The following PAMR1 variants were observed in gnomAD, a reference collection of about 807,000 sequenced individuals.
PAMR1 encodes inactive serine protease PAMR1.
A neutral mutation model predicts 81.8 loss-of-function variants in PAMR1; 88 were observed. The observed-to-expected ratio is 1.08, with a 90% CI of 0.91 to 1.28. PAMR1 has a LOEUF of 1.28. Among genes scored for constraint, PAMR1 ranks in the 50% most tolerant of loss-of-function variants. PAMR1 has a pLI of 0.00. For synonymous variants in PAMR1, 336 were observed against 345.3 expected (o/e 0.97, Z 0.30); for missense variants, 935 against 919.7 (o/e 1.02, Z -0.21).
chr11:35,510,563 T>A (rs1046041659), intron 1 of PAMR1, among the ~76,000 whole-genome samples: 5 of 147,932 alleles, frequency 3.4e-5, no homozygotes, highest in Admixed American at 1.4e-4. Context: ...ATAAGGAAAT[T>A]AAAGGTATTC....
chr11:35,519,375 A>G (rs763474928), intron 1 of PAMR1, among the ~76,000 whole-genome samples: 7 of 152,208 alleles, frequency 4.6e-5, no homozygotes, highest in Non-Finnish European at 1.0e-4. Context: ...CCCATGGCTT[A>G]AGAGTTTACA....
In PAMR1 at chr11:35,432,719, G is replaced by A. The variant is rs1461838174; in HGVS notation, c.1800C>T (p.Gly600=). 6.2e-7 allele frequency: 1 copy of A among 1,613,908 alleles called. No homozygotes were observed. The highest frequency in any genetic ancestry group is 8.5e-7 in the Non-Finnish European group (1 of 1,179,932). The change falls in exon 11 of 11, where the codon GGC becomes GGT. Residue 600 remains glycine (G), a synonymous_variant. Transcript: ENST00000619888. The part of the protein sequence containing the change: ...SFQESHITVA[G]WNVLADVRSP... ...TCCTCACGTCTGCCAGGACATTCCA[G>A]CCAGCCACAGTGATGTGGGACTCCT... is the stretch of plus-strand genomic sequence containing the variant.
chr11:35,525,102 CTTCT>C (rs957154275), intron 1 of PAMR1, among the ~76,000 whole-genome samples: 5 of 152,170 alleles, frequency 3.3e-5, no homozygotes. Context: ...CTTTCCCTCT[CTTCT>C]TTCTTTCTTG....
At chr11:35,485,885 T>C (rs1348961475) in intron 3 of PAMR1, among the ~76,000 whole-genome samples, 1 of 152,172 alleles carries the variant, frequency 6.6e-6, no homozygotes, top group Non-Finnish European at 1.5e-5. Context: ...TTGGGCGCCA[T>C]CTAGTGGGAA....
At chr11:35,442,398 C>G (rs1856189626) in intron 6 of PAMR1, among the ~76,000 whole-genome samples, 1 of 152,058 alleles carries the variant, frequency 6.6e-6, no homozygotes, top group South Asian at 2.1e-4. Context: ...ATTCTGAGCA[C>G]TAAACAGGAT....
chr11:35,434,522 T>C lies in PAMR1; in HGVS notation c.1616A>G (p.Gln539Arg). 6.2e-7 allele frequency: 1 copy of C among 1,613,882 alleles called. No individual in the cohort carries two copies. The highest frequency in any genetic ancestry group is 8.5e-7 in the Non-Finnish European group (1 of 1,179,856). ...CAAGCCCTCTCTTACCTGTAGGCTC[T>C]GGATGGTCTTCTCATCCCGGTCATC... ...RDDDRDEKTI[Q>R]SLQISAIILH... The change falls in exon 10 of 11, where the codon CAG becomes CGG. Residue 539 changes from glutamine (Q) to arginine (R), a missense_variant. Gln to Arg is a conservative substitution (Grantham distance 43). Coordinates refer to ENST00000619888, the MANE Select transcript of PAMR1 (RefSeq NM_001001991.3).
chr11:35,487,457 A>G (rs1269329969), intron 3 of PAMR1, among the ~76,000 whole-genome samples: 3 of 152,252 alleles, frequency 2.0e-5, no homozygotes, highest in Middle Eastern at 3.4e-3. Flanking sequence ...TCTTGGATCA[A>G]CAAAACAACT....
chr11:35,440,477 C>T (rs1194543935), intron 7 of PAMR1, among the ~76,000 whole-genome samples: 1 of 152,152 alleles, frequency 6.6e-6, no homozygotes, highest in Admixed American at 6.5e-5. Flanking sequence ...CCTTTCATTC[C>T]TTTTCCCATG....
intron 1 of PAMR1, among the ~76,000 whole-genome samples, chr11:35,500,745 AAGTGGCAT>A (rs1219352068): frequency 6.6e-6 from 1 of 152,216 alleles, no homozygotes; most frequent in Non-Finnish European, 1.5e-5. Flanking sequence ...ACACAAATCT[AAGTGGCAT>A]AGCCTACTAC....
At chr11:35,445,390 G>C (rs1294434519) in intron 6 of PAMR1, among the ~76,000 whole-genome samples, 2 of 152,010 alleles carry the variant, frequency 1.3e-5, no homozygotes, top group African/African-American at 4.8e-5. Context: ...GAATAGGAGT[G>C]ATGAGAGAGG....
chr11:35,464,007 G>C (rs1856712123), intron 6 of PAMR1, among the ~76,000 whole-genome samples: 2 of 152,210 alleles, frequency 1.3e-5, no homozygotes, highest in Admixed American at 1.3e-4. Context: ...TTGAGGACAG[G>C]TGTTGATAAT....
At chr11:35,526,644 G>A (rs532866792), upstream of PAMR1, among the ~76,000 whole-genome samples, 19 of 152,320 alleles carry the variant, frequency 1.2e-4, no homozygotes, top group South Asian at 3.9e-3. Context: ...TTAGTGAGGG[G>A]CAGAGCCAGG....
At chr11:35,472,174 T>A (rs114384270) in intron 4 of PAMR1, among the ~76,000 whole-genome samples, 1 of 152,230 alleles carries the variant, frequency 6.6e-6, no homozygotes, top group Non-Finnish European at 1.5e-5. Context: ...TGATTTCTTA[T>A]GCAGATGCCA....
chr11:35,480,660 C>T (rs912255637), intron 3 of PAMR1, among the ~76,000 whole-genome samples: 3 of 152,078 alleles, frequency 2.0e-5, no homozygotes, highest in African/African-American at 7.2e-5. Flanking sequence ...CTTTTAAATA[C>T]TTTTCAAATC....
At chr11:35,486,024 T>C (rs1850495961) in intron 3 of PAMR1, among the ~76,000 whole-genome samples, 1 of 152,206 alleles carries the variant, frequency 6.6e-6, no homozygotes, top group Non-Finnish European at 1.5e-5. Context: ...AATTACTTCT[T>C]CCTATGAATT....
intron 3 of PAMR1, among the ~76,000 whole-genome samples, chr11:35,488,594 C>T (rs1850556129): frequency 6.7e-6 from 1 of 149,986 alleles, no homozygotes; most frequent in Non-Finnish European, 1.5e-5. Flanking sequence ...TTCTCCCCTT[C>T]CTTGCTTGAT....
chr11:35,494,431 T>G (rs565245753), intron 1 of PAMR1, among the ~76,000 whole-genome samples, 159 bp from the exon 2 acceptor site: 30 of 152,308 alleles, frequency 2.0e-4, no homozygotes, highest in African/African-American at 7.0e-4. Flanking sequence ...CCTCCCGGGT[T>G]CACGCCATTC....
chr11:35,453,408 T>C (rs903263475), intron 6 of PAMR1: 2 of 152,156 alleles, frequency 1.3e-5, no homozygotes, highest in Non-Finnish European at 2.9e-5. Flanking sequence ...CCAACCACGG[T>C]GTCTGTACAT....
chr11:35,498,389 C>T (rs1284330806), intron 1 of PAMR1, among the ~76,000 whole-genome samples: 1 of 152,058 alleles, frequency 6.6e-6, no homozygotes, highest in Non-Finnish European at 1.5e-5. Flanking sequence ...GTTTAGTATC[C>T]AGTAAAATGA....
Sources: allele counts gnomAD v4.1 joint callset (sites outside exome capture counted in the v4.1 genomes callset), GRCh38; gene constraint gnomAD v4.1.1; transcripts MANE v1.5; gene names NCBI Gene and HGNC (gene_info 2026-07-23, HGNC 2026-07-21).